Variants in CEP68 observed in about 807,000 individuals in gnomAD.
The protein encoded by CEP68 is centrosomal protein of 68 kDa.
In CEP68, 26 loss-of-function variants were observed where a neutral mutation model predicts 55.3. The ratio of observed to expected loss-of-function variants is 0.47; its 90% CI spans 0.34 to 0.65. The LOEUF is 0.65. CEP68 is among the 30% of genes least tolerant of loss of function. The probability of loss-of-function intolerance (pLI) is 0.01; values close to 1 mark genes in which losing one functional copy is unlikely to be tolerated. For synonymous variants in CEP68, 402 were observed against 383.2 expected (o/e 1.05, Z -0.57); for missense variants, 957 against 946.7 (o/e 1.01, Z -0.14).
chr2:65,073,132 C>A, intron 3 of CEP68, 152 bp downstream of exon 3: 1 of 874,894 alleles, frequency 1.1e-6, no homozygotes, highest in Non-Finnish European at 1.9e-6. Context: ...GTCCTCACAA[C>A]TTTTACCAGG....
In CEP68 at chr2:65,074,255, C is replaced by T. The variant is rs770564543; in HGVS notation, c.1885-27C>T. 9 of 1,612,996 alleles carry T rather than the reference C, an allele frequency of 5.6e-6. No individual in the cohort carries two copies. In the East Asian group the frequency reaches 1.8e-4, roughly 32 times the overall value. ...TAAATAGCTGTTCGATCAGTAACAC[C>T]ATGTGTCCTTTTATTTGTCTCTGCA... On this transcript the variant is annotated intron_variant, in intron 3 of 6. Coordinates refer to ENST00000377990, the MANE Select transcript of CEP68 (RefSeq NM_015147.3).
At chr2:65,058,909 ACC>A (rs1675782165) in intron 1 of CEP68, among the ~76,000 whole-genome samples, 1 of 152,148 alleles carries the variant, frequency 6.6e-6, no homozygotes, top group Non-Finnish European at 1.5e-5. Context: ...GAGTCTCACC[ACC>A]AACTAAAGAT....
intron 5 of CEP68, chr2:65,080,164 G>C: frequency 2.4e-5 from 22 of 907,376 alleles, no homozygotes; most frequent in Non-Finnish European, 2.5e-5. Flanking sequence ...AAAAGCTTCA[G>C]GTTTTTTGAC....
intron 4 of CEP68, 152 bp downstream of exon 4, chr2:65,074,556 A>G (rs772862030): frequency 8.9e-7 from 1 of 1,124,014 alleles, no homozygotes; most frequent in Admixed American, 1.9e-5. Context: ...CACATTCTTA[A>G]AGCGGAACGC....
At position 65,056,535 on chromosome 2, in the gene CEP68, A is replaced by G. The variant is rs1347533334; in HGVS notation, c.-47+7A>G. ...AGCGTTCGCGGTGCGGTAGGTAGGCAGTGTCCCGCGTGCGGGTGCTGGTGT... is the reference window on the plus strand; with the variant it reads ...AGCGTTCGCGGTGCGGTAGGTAGGCGGTGTCCCGCGTGCGGGTGCTGGTGT... On this transcript the variant is annotated splice_region_variant and intron_variant, in intron 1 of 6. Transcript: ENST00000377990. 1 of 149,388 alleles carries G rather than the reference A, an allele frequency of 6.7e-6. No homozygotes were observed. Among genetic ancestry groups the G allele is most frequent in the Admixed American group, 6.7e-5 (1 of 14,980 alleles). 9.3% of individuals were successfully genotyped at this position (149,388 alleles called of 1,614,324 possible).
At chr2:65,057,622 A>C (rs1675696135) in intron 1 of CEP68, among the ~76,000 whole-genome samples, 1 of 152,216 alleles carries the variant, frequency 6.6e-6, no homozygotes, top group Admixed American at 6.5e-5. Context: ...AGCCCCTAGC[A>C]CAATGCTTGG....
chr2:65,076,567 T>C (rs71424157), intron 4 of CEP68, among the ~76,000 whole-genome samples: 2,491 of 152,288 alleles, frequency 0.016, 25 homozygotes, highest in Middle Eastern at 0.027. Context: ...GATTAAGACC[T>C]AGTATAAGCG....
Position 65,085,418 on chromosome 2 carries a change from G to GTT in CEP68, c.*1785_*1786insTT, listed in dbSNP as rs1668998056. On this transcript the variant is annotated 3_prime_UTR_variant, in exon 7 of 7. Transcript: ENST00000377990. ...CCTCTGAATAAGGTGAGACTAAAGG[G>GTT]TGCTAACTCCCTGGACCTGGCTGTG... The GTT allele has an allele frequency of 6.6e-6, 1 of 152,138 alleles. No individual in the cohort carries two copies. The highest frequency in any genetic ancestry group is 2.4e-5 in the African/African-American group (1 of 41,426). 9.4% of individuals were successfully genotyped at this position (152,138 alleles called of 1,614,324 possible). A position where few individuals can be genotyped will look rare whatever the true frequency, so the allele number is the denominator to read the frequency against.
At chr2:65,080,146 G>A in intron 5 of CEP68, 2 of 683,416 alleles carry the variant, frequency 2.9e-6, no homozygotes, top group Non-Finnish European at 3.6e-6. Context: ...AAAAAAAAAA[G>A]GCCTCTTAAA....
chr2:65,061,259 C>G (rs1675901115), intron 1 of CEP68, among the ~76,000 whole-genome samples: 1 of 152,178 alleles, frequency 6.6e-6, no homozygotes, highest in African/African-American at 2.4e-5. Context: ...GTCTGGTAGC[C>G]CTGGTCAGTC....
At chr2:65,079,933 A>AG (rs2103798015) in intron 5 of CEP68, among the ~76,000 whole-genome samples, 2 of 152,288 alleles carry the variant, frequency 1.3e-5, no homozygotes, top group East Asian at 3.9e-4. Flanking sequence ...CGGGAGTTTG[A>AG]GACCAGCCTG....
At chr2:65,064,695 C>T (rs967693982) in intron 1 of CEP68, among the ~76,000 whole-genome samples, 6 of 147,858 alleles carry the variant, frequency 4.1e-5, no homozygotes, top group South Asian at 4.2e-4. Flanking sequence ...GATAGCGCCA[C>T]TGCAGTCCAG....
chr2:65,086,081 C>CAG lies in CEP68; in HGVS notation c.*2447_*2448insAG, dbSNP rs3052195. On this transcript the variant is annotated 3_prime_UTR_variant, in exon 7 of 7. Transcript: ENST00000377990. The stretch of plus-strand genomic sequence containing the variant: ...CAGCAAATGGAAGACGACGTCAACA[C>CAG]GGCTATTTTGAAGCTTAGGTGGGAA... 110,809 of 151,852 alleles carry CAG rather than the reference C, an allele frequency of 0.73. 40,687 individuals carry two copies. The highest frequency in any genetic ancestry group is 0.9 in the East Asian group (4,641 of 5,168). The allele number at this position is 151,852 out of a possible 1,614,324, so 9.4% of individuals were successfully genotyped here.
chr2:65,074,473 A>G, intron 4 of CEP68, 69 bp downstream of exon 4: 3 of 1,607,564 alleles, frequency 1.9e-6, no homozygotes, highest in Non-Finnish European at 2.6e-6. Flanking sequence ...ATTACAAAGT[A>G]AAATCTCAAA....
In CEP68 at chr2:65,082,631, A is replaced by G. The variant is rs200403553; in HGVS notation, c.2200A>G (p.Met734Val). The G allele has an allele frequency of 1.8e-4, 283 of 1,612,454 alleles. 3 individuals are homozygous for G. The South Asian group carries it at 2.7e-3, about 15-fold the overall frequency. ...TGACTCTATCTTGGCCTCTCTGGAC[A>G]TGCTGGCTGGCTGCACCCTTATCCC... ...LYDSILASLD[M>V]LAGCTLIPDK... The change falls in exon 6 of 7, where the codon ATG becomes GTG. Residue 734 changes from methionine (M) to valine (V), a missense_variant. Coordinates refer to ENST00000377990, the MANE Select transcript of CEP68 (RefSeq NM_015147.3).
At chr2:65,077,515 G>A (rs1448522894) in intron 4 of CEP68, among the ~76,000 whole-genome samples, 1 of 152,146 alleles carries the variant, frequency 6.6e-6, no homozygotes, top group African/African-American at 2.4e-5. Context: ...TGGTCCATTA[G>A]AATGGAATAA....
In CEP68 at chr2:65,077,907, G is replaced by C. The variant is rs1487315628; in HGVS notation, c.2047G>C (p.Glu683Gln). 6.2e-7 allele frequency: 1 copy of C among 1,614,072 alleles called. No individual in the cohort carries two copies. Among genetic ancestry groups the C allele is most frequent in the South Asian group, 1.1e-5 (1 of 91,062 alleles). ...KDIDEHQSLT[E>Q]SVLQKGEILL... ...TATAGATGAACATCAGTCTCTGACG[G>C]AGAGTGTCTTACAGAAGGGGGAGAT... The change falls in exon 5 of 7, where the codon GAG becomes CAG. Residue 683 changes from glutamate to glutamine, a missense_variant. Transcript: ENST00000377990.
intron 1 of CEP68, among the ~76,000 whole-genome samples, chr2:65,062,440 G>A (rs970418866): frequency 7.3e-5 from 11 of 151,522 alleles, no homozygotes; most frequent in African/African-American, 2.7e-4. Flanking sequence ...GGCTAAGCCA[G>A]GAGAATTGCT....
intron 1 of CEP68, among the ~76,000 whole-genome samples, chr2:65,058,609 C>T (rs938622112): frequency 7.2e-6 from 1 of 138,460 alleles, no homozygotes; most frequent in Non-Finnish European, 1.5e-5. Flanking sequence ...CGGGTTCAAG[C>T]AATTCTCCTA....
Sources: gnomAD v4.1 joint callset for allele counts (sites outside exome capture counted in the v4.1 genomes callset) on GRCh38, gnomAD v4.1.1 for gene constraint, MANE v1.5 for transcripts, NCBI Gene and HGNC (gene_info 2026-07-23, HGNC 2026-07-21) for gene names.